Variants in MAP4K5 observed in about 807,000 individuals in gnomAD.
The protein encoded by MAP4K5 is MAPK/ERK kinase kinase kinase 5.
In MAP4K5, 82 loss-of-function variants were observed where a neutral mutation model predicts 135.6. That is an observed-to-expected ratio of 0.60 (90% CI 0.51 to 0.73). The LOEUF (loss-of-function observed/expected upper bound fraction) is 0.73, where lower values mean the gene tolerates loss of function less well. Among genes scored for constraint, MAP4K5 ranks in the 30% least tolerant of loss-of-function variants. The probability of loss-of-function intolerance (pLI) is 0.00; values close to 1 mark genes in which losing one functional copy is unlikely to be tolerated. For missense variants in MAP4K5, 907 were observed against 1,010.9 expected, an observed-to-expected ratio of 0.90 and a Z score of 1.39; for synonymous variants, 347 against 335.0, an observed-to-expected ratio of 1.04 and a Z score of -0.39.
rs547381316 is a variant in MAP4K5 at position 50,511,702 on chromosome 14, A to T, written c.109-6845T>A. On this transcript the variant is annotated intron_variant, in intron 2 of 32. Transcript: ENST00000682126. ...CATATGTACAACTGTCAATTTTTTTAAATTAAATTTAATAATAGAAGAAAT... is the reference window on the plus strand; with the variant it reads ...CATATGTACAACTGTCAATTTTTTTTAATTAAATTTAATAATAGAAGAAAT... Among the ~76,000 whole-genome samples, 28 of 152,254 alleles carry T rather than the reference A, an allele frequency of 1.8e-4. No individual in the cohort carries two copies. The South Asian group carries it at 3.5e-3, about 19-fold the overall frequency.
intron 14 of MAP4K5, among the ~76,000 whole-genome samples, chr14:50,452,118 G>A (rs1371930351): frequency 2.0e-5 from 3 of 152,146 alleles, no homozygotes; most frequent in Non-Finnish European, 4.4e-5. Flanking sequence ...GTTTAAGCTG[G>A]CTGGGCTAAG....
At chr14:50,541,236 A>G (rs1359629688) in intron 2 of MAP4K5, among the ~76,000 whole-genome samples, 1 of 152,242 alleles carries the variant, frequency 6.6e-6, no homozygotes, top group Non-Finnish European at 1.5e-5. Context: ...ATCATTCCAG[A>G]GGGACCTTTG....
At chr14:50,454,130 G>C (rs1017850372) in intron 14 of MAP4K5, among the ~76,000 whole-genome samples, 3 of 152,146 alleles carry the variant, frequency 2.0e-5, no homozygotes, top group Non-Finnish European at 4.4e-5. Context: ...GACTCTAACA[G>C]ACATAAAGTT....
chr14:50,464,902 A>G (rs2139821405), intron 11 of MAP4K5, among the ~76,000 whole-genome samples: 1 of 152,302 alleles, frequency 6.6e-6, no homozygotes, highest in African/African-American at 2.4e-5. Flanking sequence ...TCCAATGGTA[A>G]TAACTGCTCT....
chr14:50,424,588 T>C lies in MAP4K5; in HGVS notation c.2397+1319A>G, dbSNP rs571193568. Among the ~76,000 whole-genome samples, 12 of 151,506 alleles carry C rather than the reference T, an allele frequency of 7.9e-5. No individual in the cohort carries two copies. In the East Asian group the frequency reaches 2.1e-3, roughly 27 times the overall value. On this transcript the variant is annotated intron_variant, in intron 31 of 32. Coordinates refer to ENST00000682126, the MANE Select transcript of MAP4K5 (RefSeq NM_006575.6). The stretch of plus-strand genomic sequence containing the variant: ...AGCTGGGTGTGTTGGTGCATGCCTG[T>C]AATCCCAGCTACTCAGGAGGCCGAG...
chr14:50,493,742 G>A (rs11628115), intron 3 of MAP4K5, among the ~76,000 whole-genome samples: 28,042 of 151,954 alleles, frequency 0.18, 3,283 homozygotes, highest in East Asian at 0.53. Context: ...AGTGGGTCAC[G>A]CCTGTAATTC....
chr14:50,491,687 CTTT>C (rs777465443), intron 3 of MAP4K5, among the ~76,000 whole-genome samples: 2 of 137,742 alleles, frequency 1.5e-5, no homozygotes. Context: ...ACTGAACTTT[CTTT>C]TTTTTTTTTT....
intron 3 of MAP4K5, among the ~76,000 whole-genome samples, chr14:50,488,222 C>T (rs906864754): frequency 1.3e-5 from 2 of 152,038 alleles, no homozygotes; most frequent in Non-Finnish European, 1.5e-5. Flanking sequence ...ACTTATAAAA[C>T]CATCAGATCT....
intron 9 of MAP4K5, 88 bp downstream of exon 9, chr14:50,474,989 T>G (rs1229537428): frequency 7.9e-6 from 9 of 1,137,780 alleles, no homozygotes; most frequent in Non-Finnish European, 1.2e-5. Flanking sequence ...CTACTTTTAA[T>G]TATTACTTCT....
At chr14:50,495,706 T>C (rs565931011) in intron 3 of MAP4K5, among the ~76,000 whole-genome samples, 3 of 152,300 alleles carry the variant, frequency 2.0e-5, no homozygotes, top group Non-Finnish European at 4.4e-5. Flanking sequence ...AAAACTGTAG[T>C]ATATGAAAAC....
At chr14:50,521,326 G>A (rs2038147255) in intron 2 of MAP4K5, among the ~76,000 whole-genome samples, 4 of 152,172 alleles carry the variant, frequency 2.6e-5, no homozygotes, top group East Asian at 1.9e-4. Context: ...ACCATAATAT[G>A]TATAGTGCCT....
intron 2 of MAP4K5, among the ~76,000 whole-genome samples, chr14:50,509,756 C>G (rs1443518418): frequency 6.6e-6 from 1 of 151,738 alleles, no homozygotes; most frequent in African/African-American, 2.4e-5. Context: ...CACTTCTATG[C>G]CTAAATGTCA....
chr14:50,491,984 G>A (rs1223716401), intron 3 of MAP4K5, among the ~76,000 whole-genome samples: 1 of 152,072 alleles, frequency 6.6e-6, no homozygotes, highest in Non-Finnish European at 1.5e-5. Context: ...ACCACACCTG[G>A]CCTGAGCTTT....
rs2139721488 is a variant in MAP4K5, at chr14:50,445,092, T to C, written c.1288A>G (p.Arg430Gly). Residue 430 changes from arginine (R) to glycine (G), a missense_variant, in exon 18 of 33, where the codon AGA becomes GGA. Physicochemically the swap from Arg to Gly is moderately radical, Grantham distance 125 (BLOSUM62 -2). This residue lies in a region of MAP4K5 where 690 missense variants were observed against 777.4 expected (regional missense o/e 0.89). Transcript: ENST00000682126. The stretch of plus-strand genomic sequence containing the variant: ...CCACAACTTGGGCTACTCTGTCTTC[T>C]GAGAATTTGGGGAGCTCTGCTTTCT... The part of the protein sequence containing the change: ...DSESRAPQIL[R>G]RQSSPSCGPV... The C allele has an allele frequency of 1.9e-6, 3 of 1,613,562 alleles. No homozygotes were observed. In the East Asian group the frequency reaches 6.7e-5, roughly 36 times the overall value.
intron 1 of MAP4K5, 96 bp downstream of exon 1, chr14:50,532,352 G>T: frequency 3.2e-6 from 1 of 308,712 alleles, no homozygotes; most frequent in Non-Finnish European, 5.9e-6. Flanking sequence ...CCCGCGAACT[G>T]CCCGACGAGG....
chr14:50,485,682 T>G (rs909585744), intron 4 of MAP4K5, 40 bp from the exon 5 acceptor site: 3 of 1,242,078 alleles, frequency 2.4e-6, no homozygotes, highest in East Asian at 2.5e-5. Flanking sequence ...AGCTAGTAAT[T>G]TTCAATCACT....
At chr14:50,430,983 G>A (rs2035956292) in intron 28 of MAP4K5, among the ~76,000 whole-genome samples, 1 of 152,156 alleles carries the variant, frequency 6.6e-6, no homozygotes, top group Admixed American at 6.5e-5. Flanking sequence ...AAGCCTAAGA[G>A]TCAGAGCCTG....
In MAP4K5 at chr14:50,508,711, AT is replaced by A. The variant is rs2037865607; in HGVS notation, c.109-3855del. ...GCACATGTACCCTAGAACTTAAAGTATAAAAAAAAAAAGGCAACAACAGATG... is the reference window on the plus strand; with the variant it reads ...GCACATGTACCCTAGAACTTAAAGTAAAAAAAAAAAAGGCAACAACAGATG... On this transcript the variant is annotated intron_variant, in intron 2 of 32. Transcript: ENST00000682126. Among the ~76,000 whole-genome samples, 6 of 151,606 alleles carry A rather than the reference AT, an allele frequency of 4.0e-5. No individual in the cohort carries two copies. In the South Asian group the frequency reaches 1.3e-3, roughly 32 times the overall value.
At chr14:50,463,222 T>C (rs754387658) in intron 12 of MAP4K5, among the ~76,000 whole-genome samples, 4 of 152,228 alleles carry the variant, frequency 2.6e-5, no homozygotes, top group Middle Eastern at 3.2e-3. Context: ...TAATTAAATA[T>C]TGGCATGTCA....
Sources: gnomAD v4.1 joint callset for allele counts (sites outside exome capture counted in the v4.1 genomes callset) on GRCh38, gnomAD v4.1.1 for gene constraint, gnomAD v4.1.1 regional missense constraint, MANE v1.5 for transcripts, NCBI Gene and HGNC (gene_info 2026-07-23, HGNC 2026-07-21) for gene names.